The following FXR1 variants were observed in gnomAD, a reference collection of about 807,000 sequenced individuals.
FXR1 encodes FMR1 autosomal homolog 1, also known as RNA-binding protein FXR1.
A neutral mutation model predicts 84.0 loss-of-function variants in FXR1; 15 were observed. That is an observed-to-expected ratio of 0.18 (90% CI 0.12 to 0.27). The LOEUF (loss-of-function observed/expected upper bound fraction) is 0.27. FXR1 is among the 10% of genes least tolerant of loss of function. FXR1 has a pLI of 1.00. For missense variants in FXR1, 480 were observed against 774.4 expected (o/e 0.62, Z 4.51); for synonymous variants, 245 against 250.7 (o/e 0.98, Z 0.21).
chr3:180,948,326 A>C, intron 4 of FXR1, 21 bp from the exon 5 acceptor site: 2 of 1,534,928 alleles, frequency 1.3e-6, no homozygotes, highest in Non-Finnish European at 1.8e-6. Context: ...GGGATTTTTA[A>C]AGTATTTTGA....
chr3:180,952,828 CTTTTTTTT>C (rs371547296), intron 8 of FXR1, among the ~76,000 whole-genome samples: 5 of 121,488 alleles, frequency 4.1e-5, no homozygotes, highest in African/African-American at 1.5e-4. Context: ...ATTTTATTTG[CTTTTTTTT>C]TTTTTTTTTT....
At chr3:180,966,127 A>G (rs1257374209) in intron 13 of FXR1, among the ~76,000 whole-genome samples, 2 of 152,164 alleles carry the variant, frequency 1.3e-5, no homozygotes, top group African/African-American at 4.8e-5. Flanking sequence ...AATTGCCTTC[A>G]TTACAACTTT....
At chr3:180,956,756 G>A (rs1040889430) in intron 9 of FXR1, among the ~76,000 whole-genome samples, 1 of 151,944 alleles carries the variant, frequency 6.6e-6, no homozygotes, top group Non-Finnish European at 1.5e-5. Flanking sequence ...TAATGGGGAA[G>A]GAGGCTTGAG....
chr3:180,941,577 T>C (rs969855592), intron 3 of FXR1, among the ~76,000 whole-genome samples: 1 of 152,222 alleles, frequency 6.6e-6, no homozygotes, highest in Non-Finnish European at 1.5e-5. Flanking sequence ...TCTGAAGTTT[T>C]TAGCTGTCTG....
intron 1 of FXR1, among the ~76,000 whole-genome samples, chr3:180,923,087 T>G (rs1481106703): frequency 6.6e-6 from 1 of 152,254 alleles, no homozygotes; most frequent in Non-Finnish European, 1.5e-5. Flanking sequence ...TATTTTTACA[T>G]TTAAATAGTA....
chr3:180,915,564 T>G (rs1219778882), intron 1 of FXR1: 1 of 1,151,142 alleles, frequency 8.7e-7, no homozygotes, highest in African/African-American at 1.5e-5. Flanking sequence ...AGAAGTTGCC[T>G]TGAGATGAGA....
At chr3:180,935,403 C>T (rs1031460588) in intron 3 of FXR1, among the ~76,000 whole-genome samples, 172 bp downstream of exon 3, 21 of 152,098 alleles carry the variant, frequency 1.4e-4, no homozygotes, top group African/African-American at 1.7e-4. Context: ...GAGTTAGAAT[C>T]GGTCTCACCT....
intron 15 of FXR1, among the ~76,000 whole-genome samples, chr3:180,973,308 CTG>C (rs1348930054): frequency 2.7e-5 from 4 of 150,872 alleles, no homozygotes; most frequent in Non-Finnish European, 5.9e-5. Flanking sequence ...TATTCTGTCT[CTG>C]TACACAGTGG....
chr3:180,925,525 G>A (rs111401089), intron 1 of FXR1, among the ~76,000 whole-genome samples: 18 of 152,104 alleles, frequency 1.2e-4, no homozygotes, highest in African/African-American at 4.1e-4. Flanking sequence ...GTGGTTCTTC[G>A]TTGGTTTGCT....
At chr3:180,942,773 G>A (rs1721273228) in intron 3 of FXR1, among the ~76,000 whole-genome samples, 1 of 152,102 alleles carries the variant, frequency 6.6e-6, no homozygotes, top group African/African-American at 2.4e-5. Context: ...AAAATCTGAG[G>A]AAAAGGAATT....
intron 1 of FXR1, among the ~76,000 whole-genome samples, chr3:180,917,678 G>C (rs1212542725): frequency 6.6e-6 from 1 of 152,154 alleles, no homozygotes; most frequent in Non-Finnish European, 1.5e-5. Flanking sequence ...GCCGGGCGCC[G>C]TGGCTCATGC....
chr3:180,968,028 T>C lies in FXR1; in HGVS notation c.1199-23T>C, dbSNP rs111587720. ...AGGCTTTTTATAGAAATCTAAGTGG[T>C]TTATGTTCTTTTCTTTTCCAAGGTA... On this transcript the variant is annotated intron_variant, in intron 13 of 16. Transcript: ENST00000357559. The C allele has an allele frequency of 1.2e-3, 1,702 of 1,479,368 alleles. 11 individuals are homozygous for C. The African/African-American group carries it at 0.021, about 18-fold the overall frequency. 91.6% of individuals were successfully genotyped at this position (1,479,368 alleles called of 1,614,324 possible). A position where few individuals can be genotyped will look rare whatever the true frequency, so the allele number is the denominator to read the frequency against.
At chr3:180,921,793 C>G (rs1203133427) in intron 1 of FXR1, among the ~76,000 whole-genome samples, 1 of 151,508 alleles carries the variant, frequency 6.6e-6, no homozygotes, top group South Asian at 2.1e-4. Context: ...TAATTTTACA[C>G]ACACGTAAGT....
At chr3:180,936,918 A>C (rs1475739245) in intron 3 of FXR1, among the ~76,000 whole-genome samples, 1 of 152,190 alleles carries the variant, frequency 6.6e-6, no homozygotes, top group Non-Finnish European at 1.5e-5. Context: ...TTCTTGAGGA[A>C]AATGTTACTG....
At position 180,970,262 on chromosome 3, in the gene FXR1, C is replaced by T. The variant is rs867278516; in HGVS notation, c.1507C>T (p.Arg503Cys). ...ASESHHSTNR[R>C]RRSRRRRTDE... is the part of the protein sequence containing the mutation. ...CGAATCTCATCACAGTACTAACCGT[C>T]GTAGGCGGTCTCGTAGACGAAGGAC... is the stretch of plus-strand genomic sequence containing the variant. The change falls in exon 15 of 17, where the codon CGT (arginine) becomes TGT (cysteine). Residue 503 changes from arginine (R) to cysteine (C), a missense_variant. By Grantham distance (180) the Arg-to-Cys change is radical. This residue lies in a region of FXR1 where 157 missense variants were observed against 227.8 expected (regional missense o/e 0.69). Transcript: ENST00000357559. 3 of 1,602,314 alleles carry T rather than the reference C, an allele frequency of 1.9e-6. No individual in the cohort carries two copies. The highest frequency in any genetic ancestry group is 1.1e-5 in the South Asian group (1 of 90,810).
Position 180,918,362 on chromosome 3 carries a change from TC to T in FXR1, c.51+5628del, listed in dbSNP as rs200051744. 1.1e-3 allele frequency among the ~76,000 whole-genome samples: 159 copies of T among 148,206 alleles called. 3 individuals carry two copies. In the East Asian group the frequency reaches 0.028, roughly 26 times the overall value. ...TATTTAGATCAGGCTGGTCTCAAAC[TC>T]CTGGTCTCAAGCAATACTCCCATCT... On this transcript the variant is annotated intron_variant, in intron 1 of 16. Coordinates refer to ENST00000357559, the MANE Select transcript of FXR1 (RefSeq NM_005087.4).
intron 14 of FXR1, among the ~76,000 whole-genome samples, chr3:180,968,589 C>G (rs1034043631): frequency 1.3e-5 from 2 of 151,922 alleles, no homozygotes; most frequent in South Asian, 4.1e-4. Context: ...TTTTGTTTGC[C>G]AGACAGACCC....
chr3:180,955,622 C>T (rs981354346), intron 9 of FXR1, among the ~76,000 whole-genome samples: 1 of 152,122 alleles, frequency 6.6e-6, no homozygotes, highest in East Asian at 1.9e-4. Context: ...GTGGTAGCTG[C>T]TCTACAGATG....
intron 1 of FXR1, among the ~76,000 whole-genome samples, chr3:180,931,833 C>CAGGCTCA (rs1719950872): frequency 6.7e-6 from 1 of 149,310 alleles, no homozygotes; most frequent in South Asian, 2.1e-4. Flanking sequence ...CTCTGCCTCC[C>CAGGCTCA]AGGCTCAAGT....
Sources: gnomAD v4.1 joint callset for allele counts (sites outside exome capture counted in the v4.1 genomes callset) on GRCh38, gnomAD v4.1.1 for gene constraint, gnomAD v4.1.1 regional missense constraint, MANE v1.5 for transcripts, NCBI Gene and HGNC (gene_info 2026-07-23, HGNC 2026-07-21) for gene names.